TONSL: variants seen among roughly 807,000 people sequenced by gnomAD.
The protein encoded by TONSL is tonsoku-like protein.
Under a neutral mutation model 147.1 loss-of-function variants are expected in TONSL, and 112 were observed. The observed-to-expected ratio is 0.76, with a 90% CI of 0.65 to 0.89. The LOEUF (loss-of-function observed/expected upper bound fraction) is 0.89. TONSL is among the 40% of genes least tolerant of loss of function. The probability of loss-of-function intolerance (pLI) is 0.00; values close to 1 mark genes in which losing one functional copy is unlikely to be tolerated. For synonymous variants in TONSL, 868 were observed against 801.5 expected (o/e 1.08, Z -1.40); for missense variants, 1,883 against 1,864.6 (o/e 1.01, Z -0.18).
chr8:144,442,078 T>C lies in TONSL; in HGVS notation c.824A>G (p.Lys275Arg). The C allele has an allele frequency of 1.2e-6, 2 of 1,612,834 alleles. No individual in the cohort carries two copies. Among genetic ancestry groups the C allele is most frequent in the Non-Finnish European group, 1.7e-6 (2 of 1,179,936 alleles). Reference protein sequence around the residue: ...LKKAYRLGSQKPVQRAAICQN... With the variant: ...LKKAYRLGSQRPVQRAAICQN... ...ACAGATGGCTGCCCTCTGCACAGGC[T>C]TCTGGGAGCCCAGCCTGTAGGCCTT... The change falls in exon 7 of 26, where the codon AAG becomes AGG. Residue 275 changes from lysine to arginine, a missense_variant. Lys to Arg is a conservative substitution (Grantham distance 26, BLOSUM62 2). Coordinates refer to ENST00000409379, the MANE Select transcript of TONSL (RefSeq NM_013432.5).
At chr8:144,432,117 C>T (rs529196699) in intron 23 of TONSL, among the ~76,000 whole-genome samples, 168 bp downstream of exon 23, 1 of 152,222 alleles carries the variant, frequency 6.6e-6, no homozygotes, top group Non-Finnish European at 1.5e-5. Flanking sequence ...TGAGCCACCG[C>T]GCCTGGCCCC....
At chr8:144,435,232 C>G in intron 18 of TONSL, 62 bp from the exon 19 acceptor site, 1 of 1,438,790 alleles carries the variant, frequency 7.0e-7, no homozygotes, top group Non-Finnish European at 9.1e-7. Context: ...CCCCAGGGAC[C>G]CGCCATCCCT....
rs1008710958 is a variant in TONSL, at chr8:144,433,382, C to T, written c.3559+206G>A. On this transcript the variant is annotated intron_variant, in intron 22 of 25. Coordinates refer to ENST00000409379, the MANE Select transcript of TONSL (RefSeq NM_013432.5). The stretch of plus-strand genomic sequence containing the variant: ...TGAGCCACTGCGCCCGGCCTAGACG[C>T]TTTTTTCTTAAGGGATGGGGTCTCA... 1.1e-5 allele frequency: 6 copies of T among 566,092 alleles called. No individual in the cohort carries two copies. The Admixed American group carries it at 1.4e-4, about 13-fold the overall frequency. The allele number at this position is 566,092 out of a possible 1,614,324, so 35.1% of individuals were successfully genotyped here.
chr8:144,437,157 C>G (rs1823499682), intron 13 of TONSL, 58 bp from the exon 14 acceptor site: 1 of 1,550,628 alleles, frequency 6.4e-7, no homozygotes, highest in Non-Finnish European at 8.8e-7. Flanking sequence ...TGGCCCCAGC[C>G]CCGTGAGCTC....
rs782390502 is a variant in TONSL, at chr8:144,432,472, C to T, written c.3560-12G>A. On this transcript the variant is annotated splice_polypyrimidine_tract_variant and intron_variant, in intron 22 of 25. Coordinates refer to ENST00000409379, the MANE Select transcript of TONSL (RefSeq NM_013432.5). Reference sequence around the variant, plus strand: ...CAGGTGCTCAGCATCTGCACCGGGGCCAGAATCCGTCAGCCCCACGTGGCC... The same window carrying T: ...CAGGTGCTCAGCATCTGCACCGGGGTCAGAATCCGTCAGCCCCACGTGGCC... The T allele has an allele frequency of 1.2e-5, 18 of 1,523,562 alleles. No homozygotes were observed. Among genetic ancestry groups the T allele is most frequent in the Middle Eastern group, 4.7e-4 (2 of 4,270 alleles). The allele number at this position is 1,523,562 out of a possible 1,614,324, so 94.4% of individuals were successfully genotyped here. A position where few individuals can be genotyped will look rare whatever the true frequency, so the allele number is the denominator to read the frequency against.
Position 144,436,112 on chromosome 8 carries a change from GGCGTC to G in TONSL, c.2316_2320del (p.Trp772CysfsTer88). 6.4e-7 allele frequency: 1 copy of G among 1,557,048 alleles called. No individual in the cohort carries two copies. Among genetic ancestry groups the G allele is most frequent in the South Asian group, 1.1e-5 (1 of 87,096 alleles). On this transcript the variant is annotated frameshift_variant, in exon 17 of 26. Coordinates refer to ENST00000409379, the MANE Select transcript of TONSL (RefSeq NM_013432.5). LOFTEE classifies it high-confidence loss of function. ...TGCTTCCCTGTTGCTGGCGGGGCCA[GGCGTC>G]CAGGCTGCCACCCGTTGTGCTGTGG... is the stretch of plus-strand genomic sequence containing the variant.
intron 22 of TONSL, chr8:144,433,380 C>T (rs115878919): frequency 3.0e-4 from 170 of 557,840 alleles, no homozygotes; most frequent in African/African-American, 2.9e-3. Context: ...CCGGCCTAGA[C>T]GCTTTTTTCT....
rs1251038820 is a variant in TONSL, at chr8:144,436,077, T to C, written c.2356A>G (p.Ser786Gly). The C allele has an allele frequency of 1.6e-5, 25 of 1,569,720 alleles. No individual in the cohort carries two copies. The highest frequency in any genetic ancestry group is 1.9e-5 in the Non-Finnish European group (22 of 1,165,054). ...PASNREAATASTSRAAYQAAI... is the reference protein window; with the variant it reads ...PASNREAATAGTSRAAYQAAI... The stretch of plus-strand genomic sequence containing the variant: ...GCCTGGTAGGCTGCCCGGCTGGTGC[T>C]GGCTGTGGCTGCTTCCCTGTTGCTG... Residue 786 changes from serine to glycine, a missense_variant, in exon 17 of 26, where the codon AGC becomes GGC. Coordinates refer to ENST00000409379, the MANE Select transcript of TONSL (RefSeq NM_013432.5).
At chr8:144,432,097 A>G (rs1554878782) in intron 23 of TONSL, among the ~76,000 whole-genome samples, 188 bp downstream of exon 23, 1 of 152,028 alleles carries the variant, frequency 6.6e-6, no homozygotes, top group Admixed American at 6.6e-5. Context: ...AAGTACTGGG[A>G]TTACAGGCGT....
intron 6 of TONSL, 29 bp from the exon 7 acceptor site, chr8:144,442,180 G>A (rs1215982678): frequency 6.2e-7 from 1 of 1,600,958 alleles, no homozygotes; most frequent in Admixed American, 1.7e-5. Flanking sequence ...CAAAGGTTTT[G>A]CAGAATCCCC....
rs544318599 is a variant in TONSL at position 144,441,133 on chromosome 8, A to C, written c.866-22T>G. 6.2e-6 allele frequency: 10 copies of C among 1,611,318 alleles called. No homozygotes were observed. In the African/African-American group the frequency reaches 1.3e-4, roughly 21 times the overall value. On this transcript the variant is annotated intron_variant, in intron 7 of 25. Transcript: ENST00000409379. Reference sequence around the variant, plus strand: ...AGCACTGCCGGGAAGAGGTTCATGCAGGGGGGCAGCACAGGGGGCCCTGAC... The same window carrying C: ...AGCACTGCCGGGAAGAGGTTCATGCCGGGGGGCAGCACAGGGGGCCCTGAC...
At chr8:144,441,305 A>C in intron 7 of TONSL, 194 bp from the exon 8 acceptor site, 4 of 778,574 alleles carry the variant, frequency 5.1e-6, no homozygotes, top group East Asian at 2.8e-5. Flanking sequence ...ACACTTAAAA[A>C]CTCGGGGCCA....
At chr8:144,433,900 C>A (rs777655807) in intron 21 of TONSL, 78 bp downstream of exon 21, 23 of 1,484,292 alleles carry the variant, frequency 1.5e-5, no homozygotes, top group Non-Finnish European at 1.9e-5. Context: ...TCCCAACTAC[C>A]CTAGACCACC....
In TONSL at chr8:144,429,316, G is replaced by C; in HGVS notation, c.3964C>G (p.Leu1322Val). 1 of 1,476,932 alleles carries C rather than the reference G, an allele frequency of 6.8e-7. No homozygotes were observed. Among genetic ancestry groups the C allele is most frequent in the South Asian group, 1.3e-5 (1 of 77,558 alleles). 91.5% of individuals were successfully genotyped at this position (1,476,932 alleles called of 1,614,324 possible). The change falls in exon 26 of 26, where the codon CTG becomes GTG. Residue 1322 changes from leucine to valine, a missense_variant. Physicochemically the swap from Leu to Val is conservative, Grantham distance 32. Coordinates refer to ENST00000409379, the MANE Select transcript of TONSL (RefSeq NM_013432.5). ...ATCTTGTCCCACAGGCCCAGGCCCA[G>C]GGGACCCTGGACGGCGCAGCCTGCG... ...GLSGCAVQGPLGLGLWDKIAA... is the reference protein window; with the variant it reads ...GLSGCAVQGPVGLGLWDKIAA...
chr8:144,431,902 C>T (rs1234688393), intron 23 of TONSL, among the ~76,000 whole-genome samples: 4 of 150,152 alleles, frequency 2.7e-5, no homozygotes, highest in African/African-American at 4.9e-5. Context: ...AATCTAGGCT[C>T]ACTGCAACCT....
intron 13 of TONSL, among the ~76,000 whole-genome samples, chr8:144,437,338 G>C (rs938685533): frequency 6.6e-6 from 1 of 152,230 alleles, no homozygotes; most frequent in Non-Finnish European, 1.5e-5. Context: ...GTCCCCTTGT[G>C]GGGAGACAGT....
chr8:144,429,402 G>C (rs2130832337), intron 25 of TONSL, 66 bp from the exon 26 acceptor site: 2 of 1,340,572 alleles, frequency 1.5e-6, no homozygotes, highest in East Asian at 3.1e-5. Flanking sequence ...GCCCGCGGCA[G>C]GCTCCAGGGA....
intron 10 of TONSL, 38 bp downstream of exon 10, chr8:144,440,313 C>A: frequency 1.3e-6 from 2 of 1,564,844 alleles, no homozygotes. Flanking sequence ...AAGCTGGGCT[C>A]ACCGGGGAGC....
At chr8:144,441,256 C>T in intron 7 of TONSL, 145 bp from the exon 8 acceptor site, 1 of 1,207,262 alleles carries the variant, frequency 8.3e-7, no homozygotes, top group Non-Finnish European at 1.1e-6. Context: ...ATAGCAGGGT[C>T]TATCTTGGGG....
Sources: allele counts gnomAD v4.1 joint callset (sites outside exome capture counted in the v4.1 genomes callset), GRCh38; gene constraint gnomAD v4.1.1; transcripts MANE v1.5; gene names NCBI Gene and HGNC (gene_info 2026-07-23, HGNC 2026-07-21).